KRT28: variants seen among roughly 807,000 people sequenced by gnomAD.
KRT28 encodes the protein keratin, type I cytoskeletal 28.
KRT28 carries 45 observed loss-of-function variants against 48.1 expected under a neutral mutation model. The ratio of observed to expected loss-of-function variants is 0.94; its 90% CI spans 0.74 to 1.20. The LOEUF (loss-of-function observed/expected upper bound fraction) is 1.20, where lower values mean the gene tolerates loss of function less well. Ranked by LOEUF, KRT28 falls within the 50% of genes most tolerant of loss-of-function variation. KRT28 has a pLI of 0.00. For missense variants in KRT28, 571 were observed against 574.1 expected, an observed-to-expected ratio of 0.99 and a Z score of 0.06; for synonymous variants, 228 against 227.4, an observed-to-expected ratio of 1.00 and a Z score of -0.03.
rs929163488 is a variant in KRT28, at chr17:40,799,949, C to T, written c.-56G>A. 5 of 1,337,394 alleles carry T rather than the reference C, an allele frequency of 3.7e-6. No individual in the cohort carries two copies. In the African/African-American group the frequency reaches 4.3e-5, roughly 12 times the overall value. 82.8% of individuals were successfully genotyped at this position (1,337,394 alleles called of 1,614,324 possible). On this transcript the variant is annotated 5_prime_UTR_variant, in exon 1 of 8. Transcript: ENST00000306658. ...GCAAAACTGTAATGTCCCAAGAGAACAGAATATCATGCACTGATAATTTCT... is the reference window on the plus strand; with the variant it reads ...GCAAAACTGTAATGTCCCAAGAGAATAGAATATCATGCACTGATAATTTCT...
chr17:40,792,536 A>C lies in KRT28; in HGVS notation c.1286T>G (p.Val429Gly), dbSNP rs780463832. The change falls in exon 8 of 8, where the codon GTT (valine) becomes GGT (glycine). Residue 429 changes from valine to glycine, a missense_variant. Physicochemically the swap from Val to Gly is moderately radical, Grantham distance 109. Coordinates refer to ENST00000306658, the MANE Select transcript of KRT28 (RefSeq NM_181535.3). ...TTTACCACGTTGATCTAGCTCTTCA[A>C]CCACTGTCTTTACCAGTGTGGTTTT... ...LSKTTLVKTV[V>G]EELDQRGKVL... 1 of 1,613,192 alleles carries C rather than the reference A, an allele frequency of 6.2e-7. No individual in the cohort carries two copies. Among genetic ancestry groups the C allele is most frequent in the Non-Finnish European group, 8.5e-7 (1 of 1,179,618 alleles).
intron 6 of KRT28, among the ~76,000 whole-genome samples, chr17:40,793,601 C>T (rs1904541890): frequency 6.6e-6 from 1 of 152,024 alleles, no homozygotes; most frequent in Non-Finnish European, 1.5e-5. Flanking sequence ...ACATGGACAA[C>T]AGATGGGAAT....
intron 3 of KRT28, among the ~76,000 whole-genome samples, chr17:40,797,616 G>GT (rs1904647068): frequency 6.6e-6 from 1 of 152,150 alleles, no homozygotes; most frequent in Non-Finnish European, 1.5e-5. Flanking sequence ...AGGCTTGGTG[G>GT]TGTGCGCCTG....
intron 2 of KRT28, 113 bp from the exon 3 acceptor site, chr17:40,798,504 T>C: frequency 8.6e-7 from 1 of 1,168,294 alleles, no homozygotes; most frequent in Non-Finnish European, 1.2e-6. Context: ...GGACTGTAAA[T>C]AGTATAAAAA....
At chr17:40,799,240 A>G (rs1904690934) in intron 1 of KRT28, among the ~76,000 whole-genome samples, 1 of 152,234 alleles carries the variant, frequency 6.6e-6, no homozygotes, top group Admixed American at 6.5e-5. Context: ...ATGTACTTCA[A>G]CATAAACAAT....
intron 6 of KRT28, 147 bp downstream of exon 6, chr17:40,793,682 A>T (rs1389552088): frequency 1.0e-5 from 7 of 702,806 alleles, no homozygotes; most frequent in East Asian, 5.3e-5. Context: ...GGAAGAGATG[A>T]CTCTCTTCCA....
chr17:40,794,793 A>G (rs1257713700), intron 5 of KRT28, among the ~76,000 whole-genome samples: 1 of 152,088 alleles, frequency 6.6e-6, no homozygotes, highest in Non-Finnish European at 1.5e-5. Context: ...TTCTGTTGAT[A>G]TTAGTTATTA....
chr17:40,798,652 G>A (rs922587876), intron 2 of KRT28, among the ~76,000 whole-genome samples: 5 of 152,084 alleles, frequency 3.3e-5, no homozygotes. Flanking sequence ...TTTAGTTAAC[G>A]TTTTTCCTTA....
chr17:40,798,195 T>C (rs1904660045), intron 3 of KRT28, 40 bp downstream of exon 3: 3 of 1,568,898 alleles, frequency 1.9e-6, no homozygotes, highest in Non-Finnish European at 1.7e-6. Flanking sequence ...ATTTAAAATG[T>C]ACAGAGTTGT....
At chr17:40,798,795 C>T (rs1904680785) in intron 2 of KRT28, 122 bp downstream of exon 2, 1 of 663,336 alleles carries the variant, frequency 1.5e-6, no homozygotes, top group Admixed American at 2.9e-5. Flanking sequence ...AATACAAATC[C>T]TTTGCTTCCT....
intron 6 of KRT28, 33 bp downstream of exon 6, chr17:40,793,796 G>A: frequency 1.9e-6 from 3 of 1,608,826 alleles, no homozygotes; most frequent in African/African-American, 1.3e-5. Context: ...CTTAAAAGAG[G>A]TAAAAACTGG....
rs1280845942 is a variant in KRT28 at position 40,793,800 on chromosome 17, A to G, written c.1196+29T>C. 3 of 1,611,934 alleles carry G rather than the reference A, an allele frequency of 1.9e-6. 1 individual carries two copies. In the South Asian group the frequency reaches 3.3e-5, roughly 18 times the overall value. ...CACATTTGTAGCTTAAAAGAGGTAAAAACTGGATTTTCAAATGGCTTTACT... is the reference window on the plus strand; with the variant it reads ...CACATTTGTAGCTTAAAAGAGGTAAGAACTGGATTTTCAAATGGCTTTACT... On this transcript the variant is annotated intron_variant, in intron 6 of 7. Transcript: ENST00000306658.
chr17:40,796,064 A>G (rs981516098), intron 5 of KRT28, among the ~76,000 whole-genome samples: 28 of 152,236 alleles, frequency 1.8e-4, no homozygotes, highest in African/African-American at 6.5e-4. Flanking sequence ...GAGGGCGGCT[A>G]AATCAAAAGA....
At position 40,799,487 on chromosome 17, in the gene KRT28, T is replaced by C; in HGVS notation, c.407A>G (p.Asp136Gly). 4 of 1,614,038 alleles carry C rather than the reference T, an allele frequency of 2.5e-6. No homozygotes were observed. Among genetic ancestry groups the C allele is most frequent in the East Asian group, 2.2e-5 (1 of 44,884 alleles). The change falls in exon 1 of 8, where the codon GAC (aspartate) becomes GGC (glycine). Residue 136 changes from aspartate (D) to glycine (G), a missense_variant. Transcript: ENST00000306658. ...AATTGTTAGGTGATATCTGCTATAG[T>C]CATGATCAAGTCCACGGCAAGATCC... The part of the protein sequence containing the change: ...GPGSCRGLDH[D>G]YSRYHLTIED...
At position 40,798,946 on chromosome 17, in the gene KRT28, G is replaced by A. The variant is rs370593289; in HGVS notation, c.504C>T (p.Ala168=). The change falls in exon 2 of 8, where the codon GCC becomes GCT. Residue 168 remains alanine (A), a synonymous_variant. Transcript: ENST00000306658. The part of the protein sequence containing the change: ...NANVILQIDN[A]RLAADDFRLK... ...GCCTGAAATCATCAGCAGCCAGTCTGGCATTATCAATCTGCAGAATGACAT... is the reference window on the plus strand; with the variant it reads ...GCCTGAAATCATCAGCAGCCAGTCTAGCATTATCAATCTGCAGAATGACAT... 6.2e-7 allele frequency: 1 copy of A among 1,608,578 alleles called. No individual in the cohort carries two copies. Among genetic ancestry groups the A allele is most frequent in the East Asian group, 2.2e-5 (1 of 44,524 alleles).
In KRT28 at chr17:40,799,934, A is replaced by G; in HGVS notation, c.-41T>C. The G allele has an allele frequency of 1.4e-6, 2 of 1,449,226 alleles. No individual in the cohort carries two copies. The highest frequency in any genetic ancestry group is 2.3e-5 in the South Asian group (2 of 86,384). The allele number at this position is 1,449,226 out of a possible 1,614,324, so 89.8% of individuals were successfully genotyped here. A position where few individuals can be genotyped will look rare whatever the true frequency, so the allele number is the denominator to read the frequency against. On this transcript the variant is annotated 5_prime_UTR_variant, in exon 1 of 8. Coordinates refer to ENST00000306658, the MANE Select transcript of KRT28 (RefSeq NM_181535.3). ...GTTCACCTTGTCTATGCAAAACTGT[A>G]ATGTCCCAAGAGAACAGAATATCAT...
chr17:40,795,294 C>T (rs1234564684), intron 5 of KRT28, among the ~76,000 whole-genome samples: 1 of 152,062 alleles, frequency 6.6e-6, no homozygotes, highest in Non-Finnish European at 1.5e-5. Context: ...GAGGCGTGTG[C>T]TCGGCAGCTC....
chr17:40,793,192 C>A lies in KRT28; in HGVS notation c.1215G>T (p.Lys405Asn), dbSNP rs866992942. ...TCCCAGGGCTTCCTGATCCAAAGCCCTTTGATTTGGAGCATGAACTGTAAA... is the reference window on the plus strand; with the variant it reads ...TCCCAGGGCTTCCTGATCCAAAGCCATTTGATTTGGAGCATGAACTGTAAA... ...DGDGNSCSKS[K>N]GFGSGSPGNS... Residue 405 changes from lysine to asparagine, a missense_variant, in exon 7 of 8, where the codon AAG (lysine) becomes AAT (asparagine). Physicochemically the swap from Lys to Asn is moderately conservative, Grantham distance 94. Transcript: ENST00000306658. 1 of 1,565,456 alleles carries A rather than the reference C, an allele frequency of 6.4e-7. No homozygotes were observed. The highest frequency in any genetic ancestry group is 1.9e-5 in the Admixed American group (1 of 53,802).
rs746097691 is a variant in KRT28 at position 40,798,982 on chromosome 17, A to G, written c.468T>C (p.Thr156=). The change falls in exon 2 of 8, where the codon ACT becomes ACC. Residue 156 remains threonine, a synonymous_variant. Coordinates refer to ENST00000306658, the MANE Select transcript of KRT28 (RefSeq NM_181535.3). The part of the protein sequence containing the change: ...DLKNKIISST[T]TNANVILQID... ...TCTGCAGAATGACATTAGCATTAGT[A>G]GTAGTGGAGGAGATAATCTAGAATA... The G allele has an allele frequency of 5.0e-6, 8 of 1,603,214 alleles. No homozygotes were observed. The South Asian group carries it at 5.6e-5, about 11-fold the overall frequency.
Sources: allele counts gnomAD v4.1 joint callset (sites outside exome capture counted in the v4.1 genomes callset), GRCh38; gene constraint gnomAD v4.1.1; transcripts MANE v1.5; gene names NCBI Gene and HGNC (gene_info 2026-07-23, HGNC 2026-07-21).